VWC2: variants seen among roughly 807,000 people sequenced by gnomAD.
VWC2 encodes the protein brorin.
VWC2 carries 14 observed loss-of-function variants against 29.8 expected under a neutral mutation model. The observed-to-expected ratio is 0.47, with a 90% CI of 0.31 to 0.74. The LOEUF (loss-of-function observed/expected upper bound fraction) is 0.74, where lower values mean the gene tolerates loss of function less well. VWC2 is among the 30% of genes least tolerant of loss of function. VWC2 has a pLI of 0.05. For missense variants in VWC2, 457 were observed against 459.8 expected (o/e 0.99, Z 0.05); for synonymous variants, 213 against 199.0 (o/e 1.07, Z -0.59).
chr7:49,780,730 G>A (rs1288686036), intron 2 of VWC2, among the ~76,000 whole-genome samples: 6 of 152,130 alleles, frequency 3.9e-5, no homozygotes, highest in African/African-American at 1.4e-4. Context: ...TTATTAATAA[G>A]TGAAGCTTAC....
chr7:49,773,930 A>G lies in VWC2; in HGVS notation c.-287A>G, dbSNP rs1488657751. On this transcript the variant is annotated 5_prime_UTR_variant, in exon 1 of 4. Transcript: ENST00000340652. Reference sequence around the variant, plus strand: ...CTGACAGCGCGATGAGCGACTCCCCAGAGACGCCCTAGCCCGGTGTGCGCG... The same window carrying G: ...CTGACAGCGCGATGAGCGACTCCCCGGAGACGCCCTAGCCCGGTGTGCGCG... 6.6e-6 allele frequency: 1 copy of G among 152,182 alleles called. No individual in the cohort carries two copies. The highest frequency in any genetic ancestry group is 1.5e-5 in the Non-Finnish European group (1 of 68,112). 9.4% of individuals were successfully genotyped at this position (152,182 alleles called of 1,614,324 possible).
intron 3 of VWC2, among the ~76,000 whole-genome samples, chr7:49,833,473 AAC>A (rs1341306102): frequency 3.9e-5 from 6 of 152,174 alleles, no homozygotes; most frequent in African/African-American, 1.4e-4. Context: ...GAAGTGGGAG[AAC>A]ACCTCTCAAA....
intron 3 of VWC2, among the ~76,000 whole-genome samples, chr7:49,875,281 A>C (rs889275609): frequency 4.2e-5 from 6 of 142,484 alleles, no homozygotes; most frequent in African/African-American, 1.6e-4. Flanking sequence ...GAGGCAGGAG[A>C]ATCGCCTGAA....
At position 49,892,212 on chromosome 7, in the gene VWC2, T is replaced by A. The variant is rs534285312; in HGVS notation, c.827-19822T>A. Among the ~76,000 whole-genome samples, 5 of 150,732 alleles carry A rather than the reference T, an allele frequency of 3.3e-5. No individual in the cohort carries two copies. In the East Asian group the frequency reaches 9.8e-4, roughly 30 times the overall value. ...GGCGCCCACCATCACGCCCGGCTAA[T>A]TTTTTTTGTATTTTTAGTAGAGACG... On this transcript the variant is annotated intron_variant, in intron 3 of 3. Transcript: ENST00000340652.
intron 2 of VWC2, among the ~76,000 whole-genome samples, chr7:49,788,147 C>T (rs1312595062): frequency 6.6e-6 from 1 of 152,228 alleles, no homozygotes; most frequent in Non-Finnish European, 1.5e-5. Context: ...CCCACAGTGC[C>T]TGTCCACTCC....
At chr7:49,830,274 A>G (rs1437177525) in intron 3 of VWC2, among the ~76,000 whole-genome samples, 2 of 152,092 alleles carry the variant, frequency 1.3e-5, no homozygotes, top group East Asian at 3.8e-4. Context: ...AAATTTAACA[A>G]GTAGGAGTCC....
intron 3 of VWC2, among the ~76,000 whole-genome samples, chr7:49,911,588 A>G (rs1263193743): frequency 6.6e-6 from 1 of 151,998 alleles, no homozygotes; most frequent in African/African-American, 2.4e-5. Context: ...TCCTTCATAA[A>G]AGAAACTGAA....
chr7:49,840,544 T>C (rs1407650873), intron 3 of VWC2, among the ~76,000 whole-genome samples: 1 of 152,144 alleles, frequency 6.6e-6, no homozygotes. Flanking sequence ...GGGGTGACTA[T>C]GGATCACTGA....
chr7:49,901,393 A>G (rs1792715992), intron 3 of VWC2, among the ~76,000 whole-genome samples: 1 of 151,886 alleles, frequency 6.6e-6, no homozygotes, highest in Non-Finnish European at 1.5e-5. Context: ...ACAAAATTCA[A>G]TCACTTTCCT....
At chr7:49,903,319 T>A (rs556153079) in intron 3 of VWC2, among the ~76,000 whole-genome samples, 1 of 152,082 alleles carries the variant, frequency 6.6e-6, no homozygotes, top group Non-Finnish European at 1.5e-5. Context: ...TTATAATAGC[T>A]CAAAACTGGA....
chr7:49,784,815 G>C (rs1290118421), intron 2 of VWC2, among the ~76,000 whole-genome samples: 1 of 152,182 alleles, frequency 6.6e-6, no homozygotes, highest in East Asian at 1.9e-4. Flanking sequence ...CACACGGGGT[G>C]AATGCACCCT....
chr7:49,878,833 A>G (rs1403067693), intron 3 of VWC2, among the ~76,000 whole-genome samples: 1 of 152,160 alleles, frequency 6.6e-6, no homozygotes, highest in Admixed American at 6.5e-5. Context: ...GAACACAGCT[A>G]CAGTTGTTTA....
At chr7:49,830,631 T>G (rs999780145) in intron 3 of VWC2, among the ~76,000 whole-genome samples, 1 of 152,176 alleles carries the variant, frequency 6.6e-6, no homozygotes, top group East Asian at 1.9e-4. Flanking sequence ...AACTGGTCAT[T>G]TACATTAGGT....
intron 3 of VWC2, among the ~76,000 whole-genome samples, chr7:49,891,470 C>A (rs930429675): frequency 6.6e-6 from 1 of 152,090 alleles, no homozygotes; most frequent in Admixed American, 6.5e-5. Context: ...AAGGACTTGA[C>A]AACCAGTAGA....
At chr7:49,902,423 A>C (rs1792805619) in intron 3 of VWC2, among the ~76,000 whole-genome samples, 1 of 152,064 alleles carries the variant, frequency 6.6e-6, no homozygotes, top group African/African-American at 2.4e-5. Flanking sequence ...ACACAGAAAC[A>C]GACCCACAAC....
chr7:49,884,870 C>T (rs1791828313), intron 3 of VWC2, among the ~76,000 whole-genome samples: 1 of 151,914 alleles, frequency 6.6e-6, no homozygotes, highest in Admixed American at 6.6e-5. Context: ...AAAAATAATA[C>T]ATGAGAAAAT....
chr7:49,841,057 T>C (rs1789781924), intron 3 of VWC2, among the ~76,000 whole-genome samples: 1 of 152,214 alleles, frequency 6.6e-6, no homozygotes, highest in African/African-American at 2.4e-5. Flanking sequence ...TTGGTCTTAT[T>C]TGGATTCCAG....
At chr7:49,888,130 T>C (rs548290403) in intron 3 of VWC2, among the ~76,000 whole-genome samples, 1 of 152,338 alleles carries the variant, frequency 6.6e-6, no homozygotes, top group South Asian at 2.1e-4. Flanking sequence ...TAGCTCAAAA[T>C]TGGCCTTGGT....
intron 3 of VWC2, among the ~76,000 whole-genome samples, chr7:49,863,232 T>G (rs1790732400): frequency 6.6e-6 from 1 of 152,242 alleles, no homozygotes; most frequent in Non-Finnish European, 1.5e-5. Flanking sequence ...TCACGTAGTT[T>G]ATCTAATTTG....
Sources: gnomAD v4.1 joint callset for allele counts (sites outside exome capture counted in the v4.1 genomes callset) on GRCh38, gnomAD v4.1.1 for gene constraint, MANE v1.5 for transcripts, NCBI Gene and HGNC (gene_info 2026-07-23, HGNC 2026-07-21) for gene names.